PRR36: variants seen among roughly 807,000 people sequenced by gnomAD.
The protein encoded by PRR36 is proline rich 36.
In PRR36, 30 loss-of-function variants were observed where a neutral mutation model predicts 58.6. The ratio of observed to expected loss-of-function variants is 0.51; its 90% CI spans 0.38 to 0.69. The LOEUF (loss-of-function observed/expected upper bound fraction) is 0.69, where lower values mean the gene tolerates loss of function less well. Ranked by LOEUF, PRR36 falls within the 30% of genes least tolerant of loss-of-function variation. The pLI is 0.00. For synonymous variants in PRR36, 771 were observed against 829.3 expected, an observed-to-expected ratio of 0.93 and a Z score of 1.21; for missense variants, 1,692 against 1,805.6, an observed-to-expected ratio of 0.94 and a Z score of 1.14.
In PRR36 at chr19:7,868,925, C is replaced by G; in HGVS notation, c.*108G>C. 1 of 1,290,566 alleles carries G rather than the reference C, an allele frequency of 7.7e-7. No homozygotes were observed. Among genetic ancestry groups the G allele is most frequent in the Non-Finnish European group, 1.0e-6 (1 of 971,908 alleles). 79.9% of individuals were successfully genotyped at this position (1,290,566 alleles called of 1,614,324 possible). A position where few individuals can be genotyped will look rare whatever the true frequency, so the allele number is the denominator to read the frequency against. On this transcript the variant is annotated 3_prime_UTR_variant, in exon 6 of 6. Coordinates refer to ENST00000618550, the MANE Select transcript of PRR36 (RefSeq NM_001190467.2). ...CTCTAGGGAGCTAAGACTAATCCAC[C>G]CAGCGGGGCTCCAGGGCAGTGGAGG...
At position 7,872,865 on chromosome 19, in the gene PRR36, G is replaced by A. The variant is rs750909564; in HGVS notation, c.471C>T (p.Ser157=). ...GTCACGTACCTCTCCGTGCCCCAGC[G>A]CTGAGGGCACTCCTTTTGGGAGCCT... ...ATEAPKRSAL[S]AGARRDTSGP... Residue 157 remains serine (S), a synonymous_variant, in exon 4 of 6, where the codon AGC becomes AGT. Coordinates refer to ENST00000618550, the MANE Select transcript of PRR36 (RefSeq NM_001190467.2). The surrounding 1 kb of genome is among the most constrained non-coding windows in gnomAD (Gnocchi z 6.1). 3.3e-6 allele frequency: 5 copies of A among 1,535,948 alleles called. No homozygotes were observed. In the East Asian group the frequency reaches 7.3e-5, roughly 23 times the overall value.
At position 7,869,842 on chromosome 19, in the gene PRR36, A is replaced by C. The variant is rs941041136; in HGVS notation, c.3402T>G (p.Arg1134=). ...SSATSTPEEL[R]GYDSGPEGGA... Reference sequence around the variant, plus strand: ...CGCCCTCGGGCCCGCTGTCGTAGCCACGCAGCTCCTCTGGCGTGCTCGTGG... The same window carrying C: ...CGCCCTCGGGCCCGCTGTCGTAGCCCCGCAGCTCCTCTGGCGTGCTCGTGG... The change falls in exon 5 of 6, where the codon CGT becomes CGG. Residue 1134 remains arginine, a synonymous_variant. Transcript: ENST00000618550. 2.2e-6 allele frequency: 3 copies of C among 1,349,368 alleles called. No homozygotes were observed. The African/African-American group carries it at 4.6e-5, about 21-fold the overall frequency. 83.6% of individuals were successfully genotyped at this position (1,349,368 alleles called of 1,614,324 possible).
intron 5 of PRR36, 39 bp downstream of exon 5, chr19:7,869,676 C>T: frequency 7.3e-7 from 1 of 1,378,668 alleles, no homozygotes; most frequent in Non-Finnish European, 9.4e-7. Context: ...TCGCCTCCGA[C>T]CCCGCCCACA....
Position 7,868,941 on chromosome 19 carries a change from G to T in PRR36, c.*92C>A. 7.4e-7 allele frequency: 1 copy of T among 1,357,732 alleles called. No homozygotes were observed. Among genetic ancestry groups the T allele is most frequent in the South Asian group, 1.5e-5 (1 of 67,950 alleles). 84.1% of individuals were successfully genotyped at this position (1,357,732 alleles called of 1,614,324 possible). The stretch of plus-strand genomic sequence containing the variant: ...CTAATCCACCCAGCGGGGCTCCAGG[G>T]CAGTGGAGGCGGGGTCTAAAACAAA... On this transcript the variant is annotated 3_prime_UTR_variant, in exon 6 of 6. Coordinates refer to ENST00000618550, the MANE Select transcript of PRR36 (RefSeq NM_001190467.2).
chr19:7,869,545 C>G lies in PRR36; in HGVS notation c.3530-1G>C. 1 of 1,517,362 alleles carries G rather than the reference C, an allele frequency of 6.6e-7. No homozygotes were observed. The highest frequency in any genetic ancestry group is 8.8e-7 in the Non-Finnish European group (1 of 1,138,806). The allele number at this position is 1,517,362 out of a possible 1,614,324, so 94.0% of individuals were successfully genotyped here. On this transcript the variant is annotated splice_acceptor_variant, in intron 5 of 5. Coordinates refer to ENST00000618550, the MANE Select transcript of PRR36 (RefSeq NM_001190467.2). LOFTEE classifies it high-confidence loss of function. ...GCGGGAGGCCACGGCAGGGGCGCAC[C>G]TGCGGGGAGAGACGCCAGGTGGGCC...
intron 5 of PRR36, 45 bp from the exon 6 acceptor site, chr19:7,869,589 G>A (rs1478732177): frequency 2.0e-6 from 3 of 1,499,004 alleles, no homozygotes; most frequent in Admixed American, 4.2e-5. Flanking sequence ...GATAAGCCCC[G>A]CCCCTGCCTC....
In PRR36 at chr19:7,873,156, T is replaced by C; in HGVS notation, c.374+41A>G. Reference sequence around the variant, plus strand: ...TAAAAGGTTCCAGACTCTGTGACGCTAACCCTGGCTTAGGAGACTGGGGGA... The same window carrying C: ...TAAAAGGTTCCAGACTCTGTGACGCCAACCCTGGCTTAGGAGACTGGGGGA... On this transcript the variant is annotated intron_variant, in intron 3 of 5. Coordinates refer to ENST00000618550, the MANE Select transcript of PRR36 (RefSeq NM_001190467.2). The surrounding 1 kb of genome is among the most constrained non-coding windows in gnomAD (Gnocchi z 5.0). 6.6e-7 allele frequency: 1 copy of C among 1,519,858 alleles called. No individual in the cohort carries two copies. The highest frequency in any genetic ancestry group is 8.8e-7 in the Non-Finnish European group (1 of 1,132,130). The allele number at this position is 1,519,858 out of a possible 1,614,324, so 94.1% of individuals were successfully genotyped here. A position where few individuals can be genotyped will look rare whatever the true frequency, so the allele number is the denominator to read the frequency against.
chr19:7,872,581 G>A lies in PRR36; in HGVS notation c.663C>T (p.Ser221=), dbSNP rs1469699884. 12 of 1,524,354 alleles carry A rather than the reference G, an allele frequency of 7.9e-6. No homozygotes were observed. Among genetic ancestry groups the A allele is most frequent in the Non-Finnish European group, 1.1e-5 (12 of 1,142,214 alleles). The allele number at this position is 1,524,354 out of a possible 1,614,324, so 94.4% of individuals were successfully genotyped here. ...SASEHSTTEP[S]PAARRRPSAG... ...CGCTGGGCCGCCTCCTGGCAGCCGG[G>A]CTTGGCTCGGTGGTACTGTGCTCCG... Residue 221 remains serine, a synonymous_variant, in exon 5 of 6, where the codon AGC becomes AGT. Coordinates refer to ENST00000618550, the MANE Select transcript of PRR36 (RefSeq NM_001190467.2). The surrounding 1 kb of genome is among the most constrained non-coding windows in gnomAD (Gnocchi z 6.1).
rs754428116 is a variant in PRR36, at chr19:7,873,177, G to A, written c.374+20C>T. 3 of 1,532,328 alleles carry A rather than the reference G, an allele frequency of 2.0e-6. No homozygotes were observed. Among genetic ancestry groups the A allele is most frequent in the East Asian group, 2.4e-5 (1 of 40,890 alleles). The allele number at this position is 1,532,328 out of a possible 1,614,324, so 94.9% of individuals were successfully genotyped here. ...ACGCTAACCCTGGCTTAGGAGACTG[G>A]GGGAGAGGGAGCAGGTTACCTGGTG... On this transcript the variant is annotated intron_variant, in intron 3 of 5. Coordinates refer to ENST00000618550, the MANE Select transcript of PRR36 (RefSeq NM_001190467.2). This position sits in a 1 kb window ranked among gnomAD's most constrained non-coding sequence, Gnocchi z 5.0.
chr19:7,871,704 T>C lies in PRR36; in HGVS notation c.1540A>G (p.Thr514Ala), dbSNP rs757849533. ...TCCTGCAGAGGAAGAGTGGCCAGAGTGTGGGGCGTGGCCTGGAGAGAGGGC... is the reference window on the plus strand; with the variant it reads ...TCCTGCAGAGGAAGAGTGGCCAGAGCGTGGGGCGTGGCCTGGAGAGAGGGC... The part of the protein sequence containing the change: ...SPPSLQATPH[T>A]LATLPLQDSP... Residue 514 changes from threonine to alanine, a missense_variant, in exon 5 of 6, where the codon ACT (threonine) becomes GCT (alanine). By Grantham distance (58) the Thr-to-Ala change is moderately conservative. This residue lies in a region of PRR36 where 975 missense variants were observed against 955.2 expected (regional missense o/e 1.02). Coordinates refer to ENST00000618550, the MANE Select transcript of PRR36 (RefSeq NM_001190467.2). The C allele has an allele frequency of 2.7e-4, 412 of 1,534,240 alleles. 2 individuals carry two copies. The East Asian group carries it at 9.8e-3, about 36-fold the overall frequency.
Position 7,872,434 on chromosome 19 carries a change from C to A in PRR36, c.810G>T (p.Ser270=). Residue 270 remains serine (S), a synonymous_variant, in exon 5 of 6, where the codon TCG becomes TCT. Transcript: ENST00000618550. This position sits in a 1 kb window ranked among gnomAD's most constrained non-coding sequence, Gnocchi z 6.1. ...RGTPRAPAHP[S]QPKPKGLQAL... ...CCTGCAGTCCTTTCGGCTTGGGCTG[C>A]GAGGGATGCGCAGGAGCCCTGGGTG... is the stretch of plus-strand genomic sequence containing the variant. 1 of 1,451,996 alleles carries A rather than the reference C, an allele frequency of 6.9e-7. No individual in the cohort carries two copies. The highest frequency in any genetic ancestry group is 9.0e-7 in the Non-Finnish European group (1 of 1,108,360). 89.9% of individuals were successfully genotyped at this position (1,451,996 alleles called of 1,614,324 possible).
In PRR36 at chr19:7,870,666, C is replaced by G. The variant is rs1377896329; in HGVS notation, c.2578G>C (p.Ala860Pro). 2.5e-5 allele frequency: 31 copies of G among 1,250,592 alleles called. No individual in the cohort carries two copies. The highest frequency in any genetic ancestry group is 3.0e-5 in the Non-Finnish European group (30 of 997,546). 77.5% of individuals were successfully genotyped at this position (1,250,592 alleles called of 1,614,324 possible). A position where few individuals can be genotyped will look rare whatever the true frequency, so the allele number is the denominator to read the frequency against. The change falls in exon 5 of 6, where the codon GCC (alanine) becomes CCC (proline). Residue 860 changes from alanine to proline, a missense_variant. Around this residue, in one of 5 missense-constraint regions of PRR36, gnomAD observed 171 missense variants for 146.2 expected, o/e 1.17. Coordinates refer to ENST00000618550, the MANE Select transcript of PRR36 (RefSeq NM_001190467.2). ...PPLQAPPSPP[A>P]SPPLSPLATP... ...GCCAAAGGAGACAGAGGGGGTGAGG[C>G]AGGGGGAGAGGGAGGGGCCTGCAGA...
Position 7,871,619 on chromosome 19 carries a change from G to C in PRR36, c.1625C>G (p.Ser542Cys). 6.5e-7 allele frequency: 1 copy of C among 1,536,054 alleles called. No individual in the cohort carries two copies. Among genetic ancestry groups the C allele is most frequent in the Non-Finnish European group, 8.7e-7 (1 of 1,146,906 alleles). Residue 542 changes from serine (S) to cysteine (C), a missense_variant, in exon 5 of 6, where the codon TCT becomes TGT. Physicochemically the swap from Ser to Cys is moderately radical, Grantham distance 112. Transcript: ENST00000618550. ...QASPSPLTTV[S>C]LQDPPLVSPS... The stretch of plus-strand genomic sequence containing the variant: ...AGAAACTAGAGGAGGATCCTGCAGA[G>C]AGACTGTGGTCAAAGGAGAGGGAGA...
rs1980572308 is a variant in PRR36, at chr19:7,873,623, C to T, written c.67G>A (p.Gly23Arg). The T allele has an allele frequency of 1.3e-6, 2 of 1,535,080 alleles. No homozygotes were observed. The highest frequency in any genetic ancestry group is 8.7e-7 in the Non-Finnish European group (1 of 1,146,726). ...CCTGGGGGCCTGGGGGTCAGAAGTC[C>T]AGGAGCGCGAGCAGCCGGCGTCCGC... ...AARTPAARAP[G>R]LLTPRPPGSP... is the part of the protein sequence containing the mutation. The change falls in exon 2 of 6, where the codon GGA becomes AGA. Residue 23 changes from glycine (G) to arginine (R), a missense_variant. Physicochemically the swap from Gly to Arg is moderately radical, Grantham distance 125. Around this residue, in one of 5 missense-constraint regions of PRR36, gnomAD observed 975 missense variants for 955.2 expected, o/e 1.02. Coordinates refer to ENST00000618550, the MANE Select transcript of PRR36 (RefSeq NM_001190467.2). This position sits in a 1 kb window ranked among gnomAD's most constrained non-coding sequence, Gnocchi z 5.0.
At position 7,872,858 on chromosome 19, in the gene PRR36, C is replaced by T. The variant is rs1419441057; in HGVS notation, c.478G>A (p.Ala160Thr). 3.3e-6 allele frequency: 5 copies of T among 1,535,768 alleles called. No homozygotes were observed. Among genetic ancestry groups the T allele is most frequent in the Non-Finnish European group, 1.7e-6 (2 of 1,146,728 alleles). The change falls in exon 4 of 6, where the codon GCA (alanine) becomes ACA (threonine). Residue 160 changes from alanine (A) to threonine (T), a missense_variant. By Grantham distance (58) the Ala-to-Thr change is moderately conservative. Coordinates refer to ENST00000618550, the MANE Select transcript of PRR36 (RefSeq NM_001190467.2). The surrounding 1 kb of genome is among the most constrained non-coding windows in gnomAD (Gnocchi z 6.1). ...APKRSALSAGARRDTSGPTPG... is the reference protein window; with the variant it reads ...APKRSALSAGTRRDTSGPTPG... ...TCTCCAGGTCACGTACCTCTCCGTGCCCCAGCGCTGAGGGCACTCCTTTTG... is the reference window on the plus strand; with the variant it reads ...TCTCCAGGTCACGTACCTCTCCGTGTCCCAGCGCTGAGGGCACTCCTTTTG...
At position 7,869,036 on chromosome 19, in the gene PRR36, G is replaced by C; in HGVS notation, c.4038C>G (p.His1346Gln). 6.6e-7 allele frequency: 1 copy of C among 1,517,564 alleles called. No homozygotes were observed. Among genetic ancestry groups the C allele is most frequent in the East Asian group, 2.5e-5 (1 of 39,228 alleles). The allele number at this position is 1,517,564 out of a possible 1,614,324, so 94.0% of individuals were successfully genotyped here. Reference protein sequence around the residue: ...DWTVVEVETFH With the variant: ...DWTVVEVETFQ ...GCAGGCGGGGCTGTGGTCTGGCTCA[G>C]TGGAAGGTCTCCACCTCCACCACGG... The change falls in exon 6 of 6, where the codon CAC becomes CAG. Residue 1346 changes from histidine (H) to glutamine (Q), a missense_variant. Coordinates refer to ENST00000618550, the MANE Select transcript of PRR36 (RefSeq NM_001190467.2).
rs1980542877 is a variant in PRR36, at chr19:7,873,151, G to A, written c.374+46C>T. The A allele has an allele frequency of 4.0e-6, 6 of 1,512,670 alleles. No homozygotes were observed. The highest frequency in any genetic ancestry group is 2.0e-5 in the Admixed American group (1 of 50,916). 93.7% of individuals were successfully genotyped at this position (1,512,670 alleles called of 1,614,324 possible). The stretch of plus-strand genomic sequence containing the variant: ...TAAAATAAAAGGTTCCAGACTCTGT[G>A]ACGCTAACCCTGGCTTAGGAGACTG... On this transcript the variant is annotated intron_variant, in intron 3 of 5. Coordinates refer to ENST00000618550, the MANE Select transcript of PRR36 (RefSeq NM_001190467.2). This position sits in a 1 kb window ranked among gnomAD's most constrained non-coding sequence, Gnocchi z 5.0.
Position 7,873,677 on chromosome 19 carries a change from T to C in PRR36, c.13A>G (p.Arg5Gly). 1 of 1,535,108 alleles carries C rather than the reference T, an allele frequency of 6.5e-7. No homozygotes were observed. Among genetic ancestry groups the C allele is most frequent in the Admixed American group, 2.0e-5 (1 of 50,952 alleles). Reference sequence around the variant, plus strand: ...GCGGCCCCTGCCTTCGCCTTGTCTCTCTTGTTGTCCATCTTGCACCTGAAG... The same window carrying C: ...GCGGCCCCTGCCTTCGCCTTGTCTCCCTTGTTGTCCATCTTGCACCTGAAG... MDNK[R>G]DKAKAGAAAR... Residue 5 changes from arginine (R) to glycine (G), a missense_variant, in exon 2 of 6, where the codon AGA (arginine) becomes GGA (glycine). This residue lies in a region of PRR36 where 975 missense variants were observed against 955.2 expected (regional missense o/e 1.02). Transcript: ENST00000618550. The surrounding 1 kb of genome is among the most constrained non-coding windows in gnomAD (Gnocchi z 5.0).
Position 7,871,635 on chromosome 19 carries a change from G to A in PRR36, c.1609C>T (p.Pro537Ser). Residue 537 changes from proline to serine, a missense_variant, in exon 5 of 6, where the codon CCT becomes TCT. Coordinates refer to ENST00000618550, the MANE Select transcript of PRR36 (RefSeq NM_001190467.2). ...TCCTGCAGAGAGACTGTGGTCAAAGGAGAGGGAGAGGCCTGCAGAGGCAAT... is the reference window on the plus strand; with the variant it reads ...TCCTGCAGAGAGACTGTGGTCAAAGAAGAGGGAGAGGCCTGCAGAGGCAAT... ...ATLPLQASPS[P>S]LTTVSLQDPP... 1 of 1,536,008 alleles carries A rather than the reference G, an allele frequency of 6.5e-7. No individual in the cohort carries two copies. The highest frequency in any genetic ancestry group is 2.4e-5 in the East Asian group (1 of 40,908).
Sources: gnomAD v4.1 joint callset for allele counts on GRCh38, gnomAD v4.1.1 for gene constraint, gnomAD v4.1.1 regional missense constraint, Gnocchi (gnomAD v3.1) non-coding constraint, MANE v1.5 for transcripts, NCBI Gene and HGNC (gene_info 2026-07-23, HGNC 2026-07-21) for gene names.